SHTN1: variants seen among roughly 807,000 people sequenced by gnomAD.
SHTN1 encodes shootin 1, also known as shootin-1.
Under a neutral mutation model 83.1 loss-of-function variants are expected in SHTN1, and 42 were observed. The ratio of observed to expected loss-of-function variants is 0.51; its 90% CI spans 0.39 to 0.65. The LOEUF is 0.65. SHTN1 is among the 30% of genes least tolerant of loss of function. The pLI is 0.00. For missense variants in SHTN1, 622 were observed against 737.8 expected (o/e 0.84, Z 1.82); for synonymous variants, 224 against 247.7 (o/e 0.90, Z 0.90).
rs750351561 is a variant in SHTN1, at chr10:116,977,662, C to CTGTGTGTGTGTGTGTG, written c.111+1578_111+1593dup. 5.5e-4 allele frequency among the ~76,000 whole-genome samples: 82 copies of CTGTGTGTGTGTGTGTG among 147,770 alleles called. 1 individual carries two copies. Among genetic ancestry groups the CTGTGTGTGTGTGTGTG allele is most frequent in the African/African-American group, 1.8e-3 (72 of 40,194 alleles). On this transcript the variant is annotated intron_variant, in intron 2 of 16. Transcript: ENST00000355371. ...TACTATTTTCAGTGACTTTCTTACT[C>CTGTGTGTGTGTGTGTG]TGTGTGTGTGTGTGTGTGTGTGTGT...
intron 1 of SHTN1, among the ~76,000 whole-genome samples, chr10:117,094,850 CACTT>C (rs1358460281): frequency 6.6e-6 from 1 of 152,130 alleles, no homozygotes; most frequent in Non-Finnish European, 1.5e-5. Flanking sequence ...ATACAATTAA[CACTT>C]AATCTGAATC....
In SHTN1 at chr10:116,883,991, G is replaced by T. The variant is rs572376104; in HGVS notation, c.*2353C>A. ...GTACCTCTATCTCTGTTCCTCACTC[G>T]GGCTATAAAATGCATCAACATTCGT... On this transcript the variant is annotated 3_prime_UTR_variant, in exon 17 of 17. Coordinates refer to ENST00000355371, the MANE Select transcript of SHTN1 (RefSeq NM_001127211.3). The T allele has an allele frequency of 4.6e-6, 1 of 215,906 alleles. No individual in the cohort carries two copies. The highest frequency in any genetic ancestry group is 5.1e-5 in the South Asian group (1 of 19,792). 13.4% of individuals were successfully genotyped at this position (215,906 alleles called of 1,614,324 possible).
chr10:116,929,342 T>G (rs574965651), intron 10 of SHTN1, among the ~76,000 whole-genome samples: 4 of 152,320 alleles, frequency 2.6e-5, no homozygotes, highest in Non-Finnish European at 5.9e-5. Flanking sequence ...TCTAAAGATT[T>G]TCCATTTAAT....
At chr10:116,943,123 T>C (rs1454011854) in intron 8 of SHTN1, among the ~76,000 whole-genome samples, 8 of 152,248 alleles carry the variant, frequency 5.3e-5, no homozygotes, top group Non-Finnish European at 5.9e-5. Flanking sequence ...TAAGTACCAT[T>C]GCTCTTGCTT....
intron 4 of SHTN1, among the ~76,000 whole-genome samples, chr10:116,955,925 C>T (rs1849964687): frequency 6.6e-6 from 1 of 152,254 alleles, no homozygotes; most frequent in African/African-American, 2.4e-5. Context: ...TTTCCCAACA[C>T]CTCTTCCTTA....
chr10:117,101,636 A>C (rs141239034), intron 1 of SHTN1, among the ~76,000 whole-genome samples: 248 of 152,344 alleles, frequency 1.6e-3, no homozygotes, highest in Middle Eastern at 6.8e-3. Flanking sequence ...AGTGTGGAAC[A>C]AGGTCCAAGG....
At chr10:116,915,268 C>T (rs1371743529) in intron 13 of SHTN1, 107 bp downstream of exon 13, 1 of 687,282 alleles carries the variant, frequency 1.5e-6, no homozygotes. Context: ...TTAGCTTTAT[C>T]CTAAGATCTG....
intron 11 of SHTN1, among the ~76,000 whole-genome samples, chr10:116,924,843 T>C (rs1426509340): frequency 2.1e-5 from 3 of 145,778 alleles, no homozygotes; most frequent in Non-Finnish European, 4.5e-5. Flanking sequence ...CTGCAAGCTC[T>C]GCCTCCCAGG....
intron 1 of SHTN1, among the ~76,000 whole-genome samples, chr10:117,090,791 AAGGAAGGAAGGAAGGAAG>A: frequency 7.3e-6 from 1 of 137,434 alleles, no homozygotes; most frequent in East Asian, 2.4e-4. Context: ...GGAAGGAAGG[AAGGAAGGAAGGAAGGAAG>A]GAAGGAAGGA....
At chr10:116,918,354 A>C (rs1468413770) in intron 12 of SHTN1, among the ~76,000 whole-genome samples, 1 of 151,954 alleles carries the variant, frequency 6.6e-6, no homozygotes, top group Non-Finnish European at 1.5e-5. Flanking sequence ...CACAGACAAG[A>C]CCATCATCTT....
intron 4 of SHTN1, among the ~76,000 whole-genome samples, chr10:116,954,981 C>CAA (rs899868009): frequency 1.3e-5 from 2 of 151,706 alleles, no homozygotes; most frequent in Non-Finnish European, 2.9e-5. Flanking sequence ...GCTCCTGTCT[C>CAA]AGAGATTCTA....
intron 14 of SHTN1, among the ~76,000 whole-genome samples, chr10:116,909,651 AAT>A (rs1311819170): frequency 6.6e-6 from 1 of 152,222 alleles, no homozygotes; most frequent in Non-Finnish European, 1.5e-5. Context: ...GAGGTCAGTC[AAT>A]ACTGAGACAT....
At chr10:116,900,894 G>C in intron 16 of SHTN1, 1 of 985,358 alleles carries the variant, frequency 1.0e-6, no homozygotes, top group South Asian at 4.7e-5. Flanking sequence ...GAGAATGCAA[G>C]AGAGGAAGAA....
intron 5 of SHTN1, among the ~76,000 whole-genome samples, chr10:116,953,400 C>T (rs1849844497): frequency 6.6e-6 from 1 of 152,110 alleles, no homozygotes; most frequent in East Asian, 1.9e-4. Context: ...CTGGCTGCTT[C>T]CATTGAGACA....
intron 9 of SHTN1, among the ~76,000 whole-genome samples, chr10:116,938,422 C>T (rs180694915): frequency 2.6e-4 from 39 of 152,302 alleles, no homozygotes; most frequent in Admixed American, 3.9e-4. Context: ...AGTCAGGCCC[C>T]GCTACTGCAG....
At chr10:117,035,120 AAAC>A (rs776586404) in intron 2 of SHTN1, among the ~76,000 whole-genome samples, 6 of 152,230 alleles carry the variant, frequency 3.9e-5, no homozygotes, top group East Asian at 3.9e-4. Context: ...GGTCCTGGCA[AAAC>A]AACAACAACA....
intron 3 of SHTN1, among the ~76,000 whole-genome samples, chr10:116,967,910 G>A (rs779457625): frequency 1.2e-4 from 18 of 152,186 alleles, no homozygotes; most frequent in African/African-American, 3.4e-4. Flanking sequence ...CAGGCTGGGC[G>A]CAGTGGCTCC....
chr10:117,092,024 AC>A (rs1166660020), intron 1 of SHTN1, among the ~76,000 whole-genome samples: 1 of 152,208 alleles, frequency 6.6e-6, no homozygotes, highest in Non-Finnish European at 1.5e-5. Context: ...GGTATTCTCA[AC>A]CCCTTATAAA....
intron 1 of SHTN1, among the ~76,000 whole-genome samples, chr10:117,121,889 A>G (rs1359692633): frequency 6.7e-6 from 1 of 149,180 alleles, no homozygotes; most frequent in Non-Finnish European, 1.5e-5. Context: ...AAAATTAGCC[A>G]GGCGTGGTGG....
Sources: gnomAD v4.1 joint callset for allele counts (sites outside exome capture counted in the v4.1 genomes callset) on GRCh38, gnomAD v4.1.1 for gene constraint, MANE v1.5 for transcripts, NCBI Gene and HGNC (gene_info 2026-07-23, HGNC 2026-07-21) for gene names.